SLCO1B3: variants seen among roughly 807,000 people sequenced by gnomAD.
SLCO1B3 encodes the protein solute carrier organic anion transporter family member 1B3, also known as liver-specific organic anion transporter 2.
Under a neutral mutation model 71.8 loss-of-function variants are expected in SLCO1B3, and 72 were observed. The ratio of observed to expected loss-of-function variants is 1.00; its 90% confidence interval spans 0.83 to 1.22. SLCO1B3 has a LOEUF of 1.22. Among genes scored for constraint, SLCO1B3 ranks in the 50% most tolerant of loss-of-function variants. SLCO1B3 has a pLI of 0.00. For synonymous variants in SLCO1B3, 298 were observed against 278.4 expected, an observed-to-expected ratio of 1.07 and a Z score of -0.70; for missense variants, 911 against 819.7, an observed-to-expected ratio of 1.11 and a Z score of -1.36.
Position 20,810,706 on chromosome 12 carries a change from G to A in SLCO1B3, c.-239G>A, listed in dbSNP as rs897383130. 2 of 152,178 alleles carry A rather than the reference G, an allele frequency of 1.3e-5. No individual in the cohort carries two copies. Among genetic ancestry groups the A allele is most frequent in the African/African-American group, 4.8e-5 (2 of 41,430 alleles). The allele number at this position is 152,178 out of a possible 1,614,324, so 9.4% of individuals were successfully genotyped here. Reference sequence around the variant, plus strand: ...AAAGCCAACTAACCATTTAAAGTGAGACTTTAACATCAGAAAAAGGATGGA... The same window carrying A: ...AAAGCCAACTAACCATTTAAAGTGAAACTTTAACATCAGAAAAAGGATGGA... On this transcript the variant is annotated 5_prime_UTR_variant, in exon 1 of 16. Transcript: ENST00000381545.
At chr12:20,899,136 G>A (rs1307844647) in intron 14 of SLCO1B3, among the ~76,000 whole-genome samples, 3 of 152,298 alleles carry the variant, frequency 2.0e-5, no homozygotes, top group African/African-American at 7.2e-5. Flanking sequence ...GACTCTAGAG[G>A]CTAAAGGCCT....
At chr12:20,866,533 G>A (rs942946094) in intron 8 of SLCO1B3, among the ~76,000 whole-genome samples, 25 of 152,072 alleles carry the variant, frequency 1.6e-4, no homozygotes, top group African/African-American at 5.8e-4. Context: ...ATTTAAAGCT[G>A]GAGAACTTCA....
chr12:20,845,290 A>G, intron 3 of SLCO1B3: 1 of 348,542 alleles, frequency 2.9e-6, no homozygotes, highest in South Asian at 2.5e-5. Context: ...AGTTAGTGAA[A>G]AGGTTTGACC....
rs751797492 is a variant in SLCO1B3, at chr12:20,875,250, C to T, written c.743C>T (p.Thr248Ile). The change falls in exon 9 of 16, where the codon ACT (threonine) becomes ATT (isoleucine). Residue 248 changes from threonine (T) to isoleucine (I), a missense_variant. Physicochemically the swap from Thr to Ile is moderately conservative, Grantham distance 89. Transcript: ENST00000381545. ...GYVDLSTIRI[T>I]PKDSRWVGAW... ...TTTCTCCTAGGCACTATCAGAATAA[C>T]TCCTAAGGACTCTCGTTGGGTTGGA... is the stretch of plus-strand genomic sequence containing the variant. 8.1e-6 allele frequency: 13 copies of T among 1,612,622 alleles called. No homozygotes were observed. Among genetic ancestry groups the T allele is most frequent in the South Asian group, 1.1e-5 (1 of 90,636 alleles).
intron 14 of SLCO1B3, among the ~76,000 whole-genome samples, chr12:20,900,474 C>G (rs1418618668): frequency 6.6e-6 from 1 of 152,072 alleles, no homozygotes; most frequent in Non-Finnish European, 1.5e-5. Context: ...ATTCTTAAAA[C>G]TAGGAGTTAA....
At chr12:20,859,971 T>TG (rs1226460947) in intron 5 of SLCO1B3, among the ~76,000 whole-genome samples, 2 of 149,610 alleles carry the variant, frequency 1.3e-5, no homozygotes, top group African/African-American at 4.9e-5. Context: ...TTTTTTTTTT[T>TG]TTTGAGACGG....
At chr12:20,902,594 G>A (rs962481074) in intron 15 of SLCO1B3, among the ~76,000 whole-genome samples, 6 of 152,126 alleles carry the variant, frequency 3.9e-5, no homozygotes, top group African/African-American at 1.2e-4. Flanking sequence ...AAAACTACCT[G>A]TAAGTGACTA....
intron 9 of SLCO1B3, 73 bp downstream of exon 9, chr12:20,875,550 T>C (rs1220109164): frequency 1.5e-5 from 22 of 1,427,142 alleles, no homozygotes; most frequent in Non-Finnish European, 2.0e-5. Context: ...TAAAAAAAAA[T>C]AAAGCATACT....
At chr12:20,848,420 TC>T (rs1864958103) in intron 3 of SLCO1B3, among the ~76,000 whole-genome samples, 1 of 152,142 alleles carries the variant, frequency 6.6e-6, no homozygotes. Flanking sequence ...TGTAAAACAA[TC>T]TGATAGTTTC....
At chr12:20,857,178 A>T (rs1172433796) in intron 4 of SLCO1B3, among the ~76,000 whole-genome samples, 2 of 152,174 alleles carry the variant, frequency 1.3e-5, no homozygotes, top group African/African-American at 4.8e-5. Flanking sequence ...ATTTTCATGC[A>T]CTGATATGCA....
At chr12:20,855,382 A>G (rs1865113105) in intron 4 of SLCO1B3, among the ~76,000 whole-genome samples, 1 of 152,150 alleles carries the variant, frequency 6.6e-6, no homozygotes, top group Non-Finnish European at 1.5e-5. Context: ...TATGCTGCTA[A>G]ACACTGTGCA....
At chr12:20,907,928 G>T (rs577929485) in intron 15 of SLCO1B3, among the ~76,000 whole-genome samples, 187 of 151,978 alleles carry the variant, frequency 1.2e-3, no homozygotes, top group Non-Finnish European at 2.1e-3. Flanking sequence ...AGGACAACTG[G>T]CAAGATGCTC....
intron 3 of SLCO1B3, among the ~76,000 whole-genome samples, chr12:20,839,582 G>A (rs1864754397): frequency 6.6e-6 from 1 of 151,890 alleles, no homozygotes; most frequent in Admixed American, 6.6e-5. Context: ...TTTCTTTTGG[G>A]ACTTTTTTCC....
At chr12:20,907,748 G>A (rs4429112) in intron 15 of SLCO1B3, among the ~76,000 whole-genome samples, 108,219 of 151,320 alleles carry the variant, frequency 0.72, 42,918 homozygotes, top group South Asian at 0.94. Context: ...ACCTCAGGTG[G>A]CCCGCCCACC....
intron 3 of SLCO1B3, among the ~76,000 whole-genome samples, chr12:20,841,078 C>T (rs1014746614): frequency 6.6e-6 from 1 of 152,056 alleles, no homozygotes; most frequent in African/African-American, 2.4e-5. Flanking sequence ...AATTATAGTA[C>T]ATTTTTTTTT....
chr12:20,871,844 A>T (rs1227875308), intron 8 of SLCO1B3, among the ~76,000 whole-genome samples: 3 of 151,972 alleles, frequency 2.0e-5, no homozygotes, highest in Non-Finnish European at 4.4e-5. Context: ...CCAGCACAGC[A>T]CTGGGTCTTG....
At chr12:20,895,735 G>A (rs985665340) in intron 13 of SLCO1B3, among the ~76,000 whole-genome samples, 19 of 152,134 alleles carry the variant, frequency 1.2e-4, no homozygotes, top group Admixed American at 1.3e-4. Context: ...TCTTCTCACA[G>A]CCCCACTAGG....
intron 3 of SLCO1B3, among the ~76,000 whole-genome samples, chr12:20,849,150 G>A (rs1864972594): frequency 6.6e-6 from 1 of 151,590 alleles, no homozygotes; most frequent in Admixed American, 6.6e-5. Context: ...AGTCTATTAA[G>A]TATATTAAAA....
chr12:20,834,883 T>G (rs2121147384), intron 3 of SLCO1B3, among the ~76,000 whole-genome samples: 1 of 152,304 alleles, frequency 6.6e-6, no homozygotes, highest in East Asian at 1.9e-4. Context: ...GGGGACAGTT[T>G]GTGGGAGCTC....
Sources: allele counts gnomAD v4.1 joint callset (sites outside exome capture counted in the v4.1 genomes callset), GRCh38; gene constraint gnomAD v4.1.1; transcripts MANE v1.5; gene names NCBI Gene and HGNC (gene_info 2026-07-23, HGNC 2026-07-21).